Variants in SCN7A observed in about 807,000 individuals in gnomAD.
The protein encoded by SCN7A is sodium voltage-gated channel alpha subunit 7, also known as sodium channel protein type 7 subunit alpha.
SCN7A carries 138 observed loss-of-function variants against 155.2 expected under a neutral mutation model. The observed-to-expected ratio is 0.89, with a 90% CI of 0.77 to 1.02. SCN7A has a LOEUF of 1.02. Among genes scored for constraint, SCN7A ranks in the 50% least tolerant of loss-of-function variants. The pLI, the probability that SCN7A is intolerant of heterozygous loss-of-function variation, is 0.00. For synonymous variants in SCN7A, 693 were observed against 649.0 expected, an observed-to-expected ratio of 1.07 and a Z score of -1.03; for missense variants, 2,058 against 1,986.6, an observed-to-expected ratio of 1.04 and a Z score of -0.68.
chr2:166,431,373 G>A (rs1190083618), intron 16 of SCN7A, among the ~76,000 whole-genome samples: 2 of 152,112 alleles, frequency 1.3e-5, no homozygotes, highest in Non-Finnish European at 2.9e-5. Context: ...AAGACAATTT[G>A]TGAAGTTATT....
rs890983677 is a variant in SCN7A at position 166,465,723 on chromosome 2, C to T, written c.871+58G>A. On this transcript the variant is annotated intron_variant, in intron 8 of 25. Coordinates refer to ENST00000643258, the MANE Select transcript of SCN7A (RefSeq NM_002976.4). ...TGAGTGTTCAACATTTCTGGGAAGA[C>T]TGCTTTGCCTTTAACGAAAGTTTCA... 2.0e-5 allele frequency: 31 copies of T among 1,552,002 alleles called. No individual in the cohort carries two copies. In the African/African-American group the frequency reaches 4.2e-4, roughly 21 times the overall value.
chr2:166,473,767 G>T, intron 5 of SCN7A, 32 bp downstream of exon 5: 3 of 612,146 alleles, frequency 4.9e-6, no homozygotes, highest in South Asian at 4.3e-5. Context: ...AATTATATAT[G>T]ATATTATGTA....
At chr2:166,450,783 ACT>A (rs972632849) in intron 11 of SCN7A, among the ~76,000 whole-genome samples, 2 of 151,850 alleles carry the variant, frequency 1.3e-5, no homozygotes, top group Non-Finnish European at 2.9e-5. Flanking sequence ...ACAGAGTGAG[ACT>A]CTGTCTCAAA....
intron 11 of SCN7A, among the ~76,000 whole-genome samples, chr2:166,453,749 A>G (rs1702223142): frequency 6.6e-6 from 1 of 152,166 alleles, no homozygotes; most frequent in African/African-American, 2.4e-5. Context: ...TAACATGAGG[A>G]TATGAAGCAC....
In SCN7A at chr2:166,441,619, C is replaced by A; in HGVS notation, c.1934G>T (p.Gly645Val). ...ATAATTCTTACCAAACAGCTTCATGCCGAATGCAGCAGAAAAGAAGATGAA... is the reference window on the plus strand; with the variant it reads ...ATAATTCTTACCAAACAGCTTCATGACGAATGCAGCAGAAAAGAAGATGAA... ...FTFIFFSAAF[G>V]MKLFGKNYEE... Residue 645 changes from glycine to valine, a missense_variant, in exon 15 of 26, where the codon GGC becomes GTC. Coordinates refer to ENST00000643258, the MANE Select transcript of SCN7A (RefSeq NM_002976.4). 6.2e-7 allele frequency: 1 copy of A among 1,613,828 alleles called. No homozygotes were observed. The highest frequency in any genetic ancestry group is 8.5e-7 in the Non-Finnish European group (1 of 1,179,804).
intron 9 of SCN7A, 146 bp downstream of exon 9, chr2:166,465,316 T>C: frequency 1.5e-6 from 1 of 647,474 alleles, no homozygotes. Flanking sequence ...GCAGCCTGAG[T>C]AGACTAAGAC....
chr2:166,472,240 C>T (rs2293567), intron 6 of SCN7A, 77 bp downstream of exon 6: 957,894 of 1,399,316 alleles, frequency 0.68, 328,609 homozygotes, highest in African/African-American at 0.75. Context: ...AAAATCTTTG[C>T]AGACGTCAAT....
chr2:166,433,579 C>A (rs1298088001), intron 15 of SCN7A, among the ~76,000 whole-genome samples: 2 of 152,102 alleles, frequency 1.3e-5, no homozygotes, highest in African/African-American at 4.8e-5. Context: ...ATAGATTAGA[C>A]CCAAGTCTGC....
intron 2 of SCN7A, among the ~76,000 whole-genome samples, chr2:166,477,940 C>A (rs902447985): frequency 6.6e-6 from 1 of 151,850 alleles, no homozygotes; most frequent in Non-Finnish European, 1.5e-5. Flanking sequence ...TTTTAACATT[C>A]TTTTACTGAA....
At chr2:166,428,967 T>C (rs1209054588) in intron 17 of SCN7A, among the ~76,000 whole-genome samples, 1 of 152,030 alleles carries the variant, frequency 6.6e-6, no homozygotes, top group Admixed American at 6.6e-5. Flanking sequence ...ATAGGGCCAA[T>C]ATTTAAGTTA....
At chr2:166,490,285 G>T (rs569208401) in intron 1 of SCN7A, among the ~76,000 whole-genome samples, 2 of 152,122 alleles carry the variant, frequency 1.3e-5, no homozygotes, top group East Asian at 3.9e-4. Context: ...CCTCTGGAAA[G>T]TACCATTCTA....
Position 166,441,597 on chromosome 2 carries a change from ATTC to A in SCN7A, c.1953_1955del (p.Lys651del). ...CTATGTGGCAGACAAATTCTTCATA[ATTC>A]TTACCAAACAGCTTCATGCCGAATG... On this transcript the variant is annotated inframe_deletion, in exon 15 of 26. Coordinates refer to ENST00000643258, the MANE Select transcript of SCN7A (RefSeq NM_002976.4). The A allele has an allele frequency of 1.2e-6, 2 of 1,613,954 alleles. No individual in the cohort carries two copies. Among genetic ancestry groups the A allele is most frequent in the Non-Finnish European group, 1.7e-6 (2 of 1,179,880 alleles).
chr2:166,472,513 T>C, intron 5 of SCN7A, 68 bp from the exon 6 acceptor site: 1 of 1,272,968 alleles, frequency 7.9e-7, no homozygotes, highest in Non-Finnish European at 1.1e-6. Context: ...AAATACTATG[T>C]TTATGATAAC....
At chr2:166,491,145 C>T (rs1683092394) in intron 1 of SCN7A, among the ~76,000 whole-genome samples, 1 of 152,196 alleles carries the variant, frequency 6.6e-6, no homozygotes, top group Non-Finnish European at 1.5e-5. Context: ...ACAATATATT[C>T]ACCTAGGGTC....
At chr2:166,431,229 T>C (rs1035160907) in intron 16 of SCN7A, among the ~76,000 whole-genome samples, 2 of 152,068 alleles carry the variant, frequency 1.3e-5, no homozygotes, top group African/African-American at 4.8e-5. Flanking sequence ...TTTATAGCAA[T>C]GGTATTAATT....
At chr2:166,427,163 G>A (rs536499066) in intron 18 of SCN7A, among the ~76,000 whole-genome samples, 63 of 152,186 alleles carry the variant, frequency 4.1e-4, no homozygotes, top group Non-Finnish European at 7.4e-4. Flanking sequence ...TAGCTGCACA[G>A]AGTTCCATTG....
At chr2:166,415,365 C>T (rs896953462) in intron 21 of SCN7A, among the ~76,000 whole-genome samples, 1 of 151,756 alleles carries the variant, frequency 6.6e-6, no homozygotes, top group Non-Finnish European at 1.5e-5. Context: ...GCTGGGACTA[C>T]AGGTATGCGA....
At chr2:166,441,980 A>G (rs1701971825) in intron 14 of SCN7A, among the ~76,000 whole-genome samples, 1 of 152,134 alleles carries the variant, frequency 6.6e-6, no homozygotes, top group Non-Finnish European at 1.5e-5. Context: ...GTATTTGCCA[A>G]TTCCCATTAA....
rs1347385048 is a variant in SCN7A, at chr2:166,406,333, T to C, written c.4296A>G (p.Ile1432Met). ...CAAGCATCCCATCCCAACCAGCAAA[T>C]ATTGCAACTTGAAAAAGACAGAGCA... ...NSMLCLFQVA[I>M]FAGWDGMLDA... The change falls in exon 26 of 26, where the codon ATA becomes ATG. Residue 1432 changes from isoleucine (I) to methionine (M), a missense_variant. Physicochemically the swap from Ile to Met is conservative, Grantham distance 10. Transcript: ENST00000643258. 1.9e-6 allele frequency: 3 copies of C among 1,613,088 alleles called. No individual in the cohort carries two copies. In the East Asian group the frequency reaches 6.7e-5, roughly 36 times the overall value.
Sources: allele counts gnomAD v4.1 joint callset (sites outside exome capture counted in the v4.1 genomes callset), GRCh38; gene constraint gnomAD v4.1.1; transcripts MANE v1.5; gene names NCBI Gene and HGNC (gene_info 2026-07-23, HGNC 2026-07-21).